PSD3: variants seen among roughly 807,000 people sequenced by gnomAD.
PSD3 encodes pleckstrin and Sec7 domain containing 3.
PSD3 carries 49 observed loss-of-function variants against 105.5 expected under a neutral mutation model. The observed-to-expected ratio is 0.46, with a 90% CI of 0.37 to 0.59. The LOEUF (loss-of-function observed/expected upper bound fraction) is 0.59. PSD3 is among the 20% of genes least tolerant of loss of function. PSD3 has a pLI of 0.00. For synonymous variants in PSD3, 557 were observed against 457.8 expected, an observed-to-expected ratio of 1.22 and a Z score of -2.77; for missense variants, 1,561 against 1,263.8, an observed-to-expected ratio of 1.24 and a Z score of -3.57.
chr8:18,537,368 A>G (rs1262692604), intron 15 of PSD3, among the ~76,000 whole-genome samples: 12 of 152,206 alleles, frequency 7.9e-5, no homozygotes, highest in Admixed American at 7.9e-4. Context: ...CTTAAGCTAT[A>G]TTACCTCCAT....
chr8:18,588,996 C>G (rs2717741), intron 12 of PSD3, among the ~76,000 whole-genome samples: 128,239 of 152,146 alleles, frequency 0.84, 54,749 homozygotes, highest in South Asian at 0.96. Flanking sequence ...CCCCTTAACA[C>G]AGATTTTAGA....
intron 1 of PSD3, among the ~76,000 whole-genome samples, chr8:18,948,072 G>C (rs1478031988): frequency 6.6e-6 from 1 of 152,138 alleles, no homozygotes; most frequent in Non-Finnish European, 1.5e-5. Flanking sequence ...CTCATAATCA[G>C]TAATGACAGA....
chr8:18,978,992 T>C (rs1374562609), intron 1 of PSD3, among the ~76,000 whole-genome samples: 2 of 152,184 alleles, frequency 1.3e-5, no homozygotes, highest in Non-Finnish European at 2.9e-5. Flanking sequence ...CAGATGCCTG[T>C]GTTCCTTCTG....
chr8:18,798,632 C>T (rs1233637372), intron 8 of PSD3, among the ~76,000 whole-genome samples: 2 of 152,194 alleles, frequency 1.3e-5, no homozygotes, highest in Admixed American at 1.3e-4. Flanking sequence ...AAAATACAAT[C>T]AGAATTCGTT....
chr8:18,632,607 A>G lies in PSD3; in HGVS notation c.2410+6T>C, dbSNP rs929512525. On this transcript the variant is annotated splice_donor_region_variant and intron_variant, in intron 11 of 15. Transcript: ENST00000327040. ...GAAATAGAAAATGACAACGCATGATACTTACTCTTCTTTCCATCCATATCT... is the reference window on the plus strand; with the variant it reads ...GAAATAGAAAATGACAACGCATGATGCTTACTCTTCTTTCCATCCATATCT... The G allele has an allele frequency of 6.2e-7, 1 of 1,605,506 alleles. No individual in the cohort carries two copies. The highest frequency in any genetic ancestry group is 8.5e-7 in the Non-Finnish European group (1 of 1,175,386).
At chr8:18,660,295 A>C (rs925695611) in intron 9 of PSD3, among the ~76,000 whole-genome samples, 1 of 152,174 alleles carries the variant, frequency 6.6e-6, no homozygotes. Context: ...AGAGGTTAGA[A>C]GAGGCGAGGA....
intron 2 of PSD3, among the ~76,000 whole-genome samples, chr8:18,874,600 G>T (rs1817609684): frequency 1.3e-5 from 2 of 151,406 alleles, no homozygotes; most frequent in Non-Finnish European, 2.9e-5. Context: ...CTACTTGGGA[G>T]GCTGAGGCAC....
At chr8:19,031,187 A>G (rs1827756604) in intron 1 of PSD3, among the ~76,000 whole-genome samples, 1 of 152,178 alleles carries the variant, frequency 6.6e-6, no homozygotes, top group African/African-American at 2.4e-5. Context: ...CAGGACATTC[A>G]CCAACATATT....
At chr8:18,781,097 T>C (rs1276509280) in intron 8 of PSD3, among the ~76,000 whole-genome samples, 1 of 152,204 alleles carries the variant, frequency 6.6e-6, no homozygotes, top group East Asian at 1.9e-4. Context: ...TATCATTTCA[T>C]TTACTCCTGG....
chr8:18,625,025 T>C (rs906274930), intron 11 of PSD3, among the ~76,000 whole-genome samples: 9 of 152,144 alleles, frequency 5.9e-5, no homozygotes, highest in African/African-American at 1.9e-4. Context: ...TGTGAGCCAC[T>C]GTACCCAGCT....
intron 1 of PSD3, among the ~76,000 whole-genome samples, chr8:19,044,688 T>C (rs1828250677): frequency 6.6e-6 from 1 of 152,100 alleles, no homozygotes; most frequent in Non-Finnish European, 1.5e-5. Context: ...GACATACAAA[T>C]ATAATTAAAA....
chr8:18,920,311 T>C (rs908389394), intron 2 of PSD3, among the ~76,000 whole-genome samples: 2 of 152,182 alleles, frequency 1.3e-5, no homozygotes, highest in Non-Finnish European at 1.5e-5. Context: ...AAATAATCCA[T>C]ATAATGCCCT....
rs543620206 is a variant in PSD3 at position 18,977,191 on chromosome 8, C to T, written c.21+36372G>A. Among the ~76,000 whole-genome samples the T allele has an allele frequency of 4.2e-5, 6 of 142,362 alleles. No individual in the cohort carries two copies. In the East Asian group the frequency reaches 6.2e-4, roughly 15 times the overall value. The allele number at this position is 142,362 out of a possible 152,430, so 93.4% of individuals were successfully genotyped here. ...AGGAGAATCGCTTGAACACAGAAGG[C>T]GGAGGTTGCAGTGAGCTGAGACTGC... On this transcript the variant is annotated intron_variant, in intron 1 of 15. Transcript: ENST00000327040.
intron 9 of PSD3, among the ~76,000 whole-genome samples, chr8:18,747,066 G>C (rs2129436455): frequency 6.6e-6 from 1 of 152,330 alleles, no homozygotes; most frequent in South Asian, 2.1e-4. Flanking sequence ...ATGAGATAAT[G>C]TGAAGCTTAG....
Position 19,008,128 on chromosome 8 carries a change from G to T in PSD3, c.21+5435C>A, listed in dbSNP as rs143024689. Reference sequence around the variant, plus strand: ...CAAAGTGCTGGGATTACAGGCGTGAGCCATGGCGCCCGGCCAAGGGAGATT... The same window carrying T: ...CAAAGTGCTGGGATTACAGGCGTGATCCATGGCGCCCGGCCAAGGGAGATT... On this transcript the variant is annotated intron_variant, in intron 1 of 15. Coordinates refer to ENST00000327040, the MANE Select transcript of PSD3 (RefSeq NM_015310.4). 3.3e-3 allele frequency among the ~76,000 whole-genome samples: 498 copies of T among 152,346 alleles called. 3 individuals are homozygous for T. The highest frequency in any genetic ancestry group is 5.1e-3 in the Non-Finnish European group (349 of 68,038).
chr8:18,620,248 T>G (rs1338677044), intron 11 of PSD3, among the ~76,000 whole-genome samples: 1 of 152,186 alleles, frequency 6.6e-6, no homozygotes, highest in Non-Finnish European at 1.5e-5. Context: ...TACTGATTTA[T>G]GTCTTTGCCT....
At chr8:18,772,530 T>C (rs1397483401) in intron 8 of PSD3, among the ~76,000 whole-genome samples, 3 of 152,130 alleles carry the variant, frequency 2.0e-5, no homozygotes, top group African/African-American at 7.2e-5. Context: ...TTTTTTGAAA[T>C]GGAGTTTTGC....
chr8:19,058,824 T>C (rs565988473), intron 1 of PSD3, among the ~76,000 whole-genome samples: 1 of 152,136 alleles, frequency 6.6e-6, no homozygotes, highest in African/African-American at 2.4e-5. Flanking sequence ...TGGAGCACCT[T>C]GGAAAGAGGA....
intron 9 of PSD3, among the ~76,000 whole-genome samples, chr8:18,680,421 T>TCTGA (rs1800316369): frequency 6.6e-6 from 1 of 152,176 alleles, no homozygotes; most frequent in Non-Finnish European, 1.5e-5. Flanking sequence ...ACCAGCTGGA[T>TCTGA]CTGACAGCAG....
Sources: allele counts gnomAD v4.1 joint callset (sites outside exome capture counted in the v4.1 genomes callset), GRCh38; gene constraint gnomAD v4.1.1; transcripts MANE v1.5; gene names NCBI Gene and HGNC (gene_info 2026-07-23, HGNC 2026-07-21).